Variants in DTNA observed in about 807,000 individuals in gnomAD.
DTNA encodes the protein dystrophin-related protein 3.
DTNA carries 43 observed loss-of-function variants against 100.7 expected under a neutral mutation model. The observed-to-expected ratio is 0.43, with a 90% CI of 0.33 to 0.55. The LOEUF (loss-of-function observed/expected upper bound fraction) is 0.55, where lower values mean the gene tolerates loss of function less well. Among genes scored for constraint, DTNA ranks in the 20% least tolerant of loss-of-function variants. The pLI, the probability that DTNA is intolerant of heterozygous loss-of-function variation, is 0.04. For missense variants in DTNA, 798 were observed against 953.9 expected, an observed-to-expected ratio of 0.84 and a Z score of 2.15; for synonymous variants, 349 against 347.9, an observed-to-expected ratio of 1.00 and a Z score of -0.04.
intron 1 of DTNA, among the ~76,000 whole-genome samples, chr18:34,653,293 T>C (rs1443108116): frequency 6.6e-6 from 1 of 152,166 alleles, no homozygotes; most frequent in Non-Finnish European, 1.5e-5. Context: ...AGCATTTCAA[T>C]TTTATAGTCC....
chr18:34,870,285 A>C (rs1187332711), intron 17 of DTNA, among the ~76,000 whole-genome samples: 1 of 152,184 alleles, frequency 6.6e-6, no homozygotes, highest in Non-Finnish European at 1.5e-5. Context: ...TGGTCCAATT[A>C]AGTCAGGAAA....
upstream of DTNA, among the ~76,000 whole-genome samples, chr18:34,707,861 C>A (rs1327686336): frequency 6.6e-6 from 1 of 152,170 alleles, no homozygotes; most frequent in Non-Finnish European, 1.5e-5. Flanking sequence ...TGGTCGGCCT[C>A]ACACATTTTT....
At chr18:34,820,710 C>A in intron 8 of DTNA, 81 bp from the exon 9 acceptor site, 1 of 1,596,272 alleles carries the variant, frequency 6.3e-7, no homozygotes, top group Non-Finnish European at 8.6e-7. Flanking sequence ...AAATGAATAT[C>A]TATTATGAAA....
At chr18:34,745,289 C>T (rs1441110710) in intron 1 of DTNA, among the ~76,000 whole-genome samples, 1 of 152,172 alleles carries the variant, frequency 6.6e-6, no homozygotes, top group Non-Finnish European at 1.5e-5. Context: ...ACATCTAGTT[C>T]AATACTGCAC....
At chr18:34,496,205 A>AACACAC (rs367764683) in intron 1 of DTNA, among the ~76,000 whole-genome samples, 12,842 of 138,452 alleles carry the variant, frequency 0.093, 683 homozygotes, top group Non-Finnish European at 0.096. Flanking sequence ...CCCTCCCTGC[A>AACACAC]ACACACACAC....
At chr18:34,578,136 GTTTT>G (rs546255407) in intron 1 of DTNA, among the ~76,000 whole-genome samples, 1 of 148,460 alleles carries the variant, frequency 6.7e-6, no homozygotes, top group African/African-American at 2.5e-5. Flanking sequence ...TCTACTATGT[GTTTT>G]TTTTTTATTT....
chr18:34,498,900 T>C (rs535364343), intron 1 of DTNA, among the ~76,000 whole-genome samples: 1 of 152,372 alleles, frequency 6.6e-6, no homozygotes, highest in South Asian at 2.1e-4. Context: ...ATTCAATCAA[T>C]ACTTTTAATT....
At chr18:34,532,641 A>G (rs1186342295) in intron 1 of DTNA, among the ~76,000 whole-genome samples, 2 of 152,006 alleles carry the variant, frequency 1.3e-5, no homozygotes, top group African/African-American at 2.4e-5. Flanking sequence ...AATTTTATGC[A>G]TGTCAACAAA....
intron 1 of DTNA, among the ~76,000 whole-genome samples, chr18:34,495,204 T>C (rs2039057201): frequency 1.3e-5 from 2 of 152,338 alleles, no homozygotes; most frequent in South Asian, 4.1e-4. Flanking sequence ...CCTTAATAGG[T>C]ATGTGCTGCA....
At chr18:34,655,269 C>G (rs2074207757) in intron 1 of DTNA, among the ~76,000 whole-genome samples, 1 of 152,142 alleles carries the variant, frequency 6.6e-6, no homozygotes, top group Non-Finnish European at 1.5e-5. Flanking sequence ...CTGCCTCCTT[C>G]TCTCTTACAT....
At chr18:34,635,704 C>T (rs117789373) in intron 1 of DTNA, among the ~76,000 whole-genome samples, 11 of 152,062 alleles carry the variant, frequency 7.2e-5, no homozygotes, top group Non-Finnish European at 1.5e-4. Context: ...AACAAAAACA[C>T]GAATTTTGTT....
chr18:34,818,906 G>T (rs950811291), intron 8 of DTNA, among the ~76,000 whole-genome samples: 8 of 152,146 alleles, frequency 5.3e-5, no homozygotes, highest in Non-Finnish European at 1.2e-4. Flanking sequence ...AAGGTGGCAT[G>T]TGAGTGTCTG....
Position 34,828,707 on chromosome 18 carries a change from G to T in DTNA, c.1086-693G>T, listed in dbSNP as rs551682963. 1.8e-4 allele frequency among the ~76,000 whole-genome samples: 28 copies of T among 152,220 alleles called. No individual in the cohort carries two copies. The South Asian group carries it at 5.8e-3, about 32-fold the overall frequency. On this transcript the variant is annotated intron_variant, in intron 10 of 22. Transcript: ENST00000444659. Reference sequence around the variant, plus strand: ...GAATAAACAGAATATGGCAGAAAATGGGGTTTCTGATGTATAAACGAGGTC... The same window carrying T: ...GAATAAACAGAATATGGCAGAAAATTGGGTTTCTGATGTATAAACGAGGTC...
intron 1 of DTNA, among the ~76,000 whole-genome samples, chr18:34,531,497 T>C (rs2043136392): frequency 6.6e-6 from 1 of 152,190 alleles, no homozygotes; most frequent in Non-Finnish European, 1.5e-5. Flanking sequence ...TTCTTTTGTC[T>C]TGCATTTGCT....
chr18:34,518,704 CGT>C (rs57035462), intron 1 of DTNA, among the ~76,000 whole-genome samples: 28,813 of 121,262 alleles, frequency 0.24, 3,327 homozygotes, highest in Middle Eastern at 0.29. Context: ...ATTTGGCAAA[CGT>C]GTGTGTGTGT....
intron 2 of DTNA, chr18:34,757,237 C>T (rs1291279109): frequency 1.3e-5 from 2 of 152,192 alleles, no homozygotes; most frequent in Non-Finnish European, 2.9e-5. Flanking sequence ...TGTGTCTTCA[C>T]CTGGAATTGT....
At chr18:34,571,775 C>T (rs749118416) in intron 1 of DTNA, among the ~76,000 whole-genome samples, 2 of 152,138 alleles carry the variant, frequency 1.3e-5, no homozygotes, top group African/African-American at 2.4e-5. Flanking sequence ...CCATTGTAAG[C>T]TTTCTAGCAC....
chr18:34,732,961 C>T (rs1158303350), intron 1 of DTNA, among the ~76,000 whole-genome samples: 1 of 152,154 alleles, frequency 6.6e-6, no homozygotes, highest in Admixed American at 6.5e-5. Flanking sequence ...TGAGATAAAA[C>T]TCCATTAATT....
At chr18:34,530,889 G>A (rs1047193521) in intron 1 of DTNA, among the ~76,000 whole-genome samples, 2 of 152,028 alleles carry the variant, frequency 1.3e-5, no homozygotes, top group African/African-American at 4.8e-5. Flanking sequence ...AAAATATCAG[G>A]GAATGCTTTC....
Sources: gnomAD v4.1 joint callset for allele counts (sites outside exome capture counted in the v4.1 genomes callset) on GRCh38, gnomAD v4.1.1 for gene constraint, MANE v1.5 for transcripts, NCBI Gene and HGNC (gene_info 2026-07-23, HGNC 2026-07-21) for gene names.